The following PIEZO1 variants were observed in gnomAD, a reference collection of about 807,000 sequenced individuals.
PIEZO1 encodes the protein piezo-type mechanosensitive ion channel component 1.
Under a neutral mutation model 297.2 loss-of-function variants are expected in PIEZO1, and 296 were observed. The observed-to-expected ratio is 1.00, with a 90% CI of 0.91 to 1.10. PIEZO1 has a LOEUF of 1.10. Among genes scored for constraint, PIEZO1 ranks in the 50% least tolerant of loss-of-function variants. The probability of loss-of-function intolerance (pLI) is 0.00; values close to 1 mark genes in which losing one functional copy is unlikely to be tolerated. For missense variants in PIEZO1, 5,018 were observed against 3,455.5 expected (o/e 1.45, Z -11.34); for synonymous variants, 2,427 against 1,507.5 (o/e 1.61, Z -14.13).
intron 40 of PIEZO1, 21 bp downstream of exon 40, chr16:88,720,595 C>T (rs775467751): frequency 1.2e-5 from 18 of 1,536,126 alleles, no homozygotes; most frequent in Admixed American, 9.9e-5. Context: ...TCCCCAGCTG[C>T]CCCCGGCCGC....
chr16:88,764,838 C>T (rs984791058), intron 1 of PIEZO1, among the ~76,000 whole-genome samples: 2 of 152,134 alleles, frequency 1.3e-5, no homozygotes, highest in African/African-American at 2.4e-5. Context: ...CCTCCCAAAA[C>T]GAGGACTCCG....
intron 2 of PIEZO1, chr16:88,745,763 A>G (rs1906012750): frequency 6.6e-6 from 1 of 151,438 alleles, no homozygotes; most frequent in African/African-American, 2.4e-5. Flanking sequence ...AAAAAAAAAA[A>G]AAAAGGGGCC....
In PIEZO1 at chr16:88,771,156, C is replaced by A. The variant is rs114443910; in HGVS notation, c.64+13745G>T. On this transcript the variant is annotated intron_variant, in intron 1 of 50. Transcript: ENST00000301015. ...ATCTCACAGGGAGATAAAAATCAAC[C>A]GTGCGAAAGGCCCCACAGAGCGACC... 3.3e-3 allele frequency among the ~76,000 whole-genome samples: 503 copies of A among 152,304 alleles called. 3 individuals carry two copies. Among genetic ancestry groups the A allele is most frequent in the African/African-American group, 0.012 (480 of 41,558 alleles).
rs1211873588 is a variant in PIEZO1, at chr16:88,722,293, T to C, written c.4880A>G (p.Asp1627Gly). 7 of 1,548,348 alleles carry C rather than the reference T, an allele frequency of 4.5e-6. No individual in the cohort carries two copies. In the East Asian group the frequency reaches 1.7e-4, roughly 38 times the overall value. ...TRSGSEEAVT[D>G]PGEREAGASL... ...GGCACCAGCCTCACGCTCCCCGGGG[T>C]CGGTGACTGCCTCCTCACTGCCACT... Residue 1627 changes from aspartate (D) to glycine (G), a missense_variant, in exon 36 of 51, where the codon GAC becomes GGC. Transcript: ENST00000301015.
At chr16:88,730,765 G>A (rs148511692) in intron 22 of PIEZO1, among the ~76,000 whole-genome samples, 150 of 152,338 alleles carry the variant, frequency 9.8e-4, no homozygotes, top group African/African-American at 3.3e-3. Context: ...GTGTGTGGCC[G>A]GAGGGGCCAG....
intron 35 of PIEZO1, 91 bp downstream of exon 35, chr16:88,722,492 G>T: frequency 1.4e-6 from 2 of 1,432,716 alleles, no homozygotes; most frequent in Non-Finnish European, 1.9e-6. Flanking sequence ...CGGTCCTTTG[G>T]GGTACAAGGG....
intron 1 of PIEZO1, among the ~76,000 whole-genome samples, chr16:88,759,820 G>A (rs964182986): frequency 3.3e-5 from 5 of 152,296 alleles, no homozygotes; most frequent in Admixed American, 1.3e-4. Context: ...AGGTTCACAC[G>A]GGCTGCATGG....
At chr16:88,735,959 GTTTA>G (rs1905183925) in intron 12 of PIEZO1, among the ~76,000 whole-genome samples, 185 bp downstream of exon 12, 1 of 152,246 alleles carries the variant, frequency 6.6e-6, no homozygotes, top group South Asian at 2.1e-4. Flanking sequence ...AAGGTTGTCT[GTTTA>G]TTCAGTCAAC....
chr16:88,780,067 C>T (rs980568168), intron 1 of PIEZO1, among the ~76,000 whole-genome samples: 2 of 152,118 alleles, frequency 1.3e-5, no homozygotes, highest in African/African-American at 4.8e-5. Context: ...ACGTTCAGAG[C>T]AAGATAGGGT....
chr16:88,747,573 G>A (rs988399490), intron 2 of PIEZO1, among the ~76,000 whole-genome samples: 1 of 152,212 alleles, frequency 6.6e-6, no homozygotes, highest in African/African-American at 2.4e-5. Flanking sequence ...GCTAGGAGGA[G>A]CCTCTGGGAT....
chr16:88,720,296 G>C lies in PIEZO1; in HGVS notation c.5950-13C>G. ...CCGCCGAGTGCTTCTGTGGCCAGGA[G>C]AGCACAGGTCAGGGGGAGCCAAGCC... On this transcript the variant is annotated splice_polypyrimidine_tract_variant and intron_variant, in intron 41 of 50. Coordinates refer to ENST00000301015, the MANE Select transcript of PIEZO1 (RefSeq NM_001142864.4). The C allele has an allele frequency of 6.5e-7, 1 of 1,550,264 alleles. No homozygotes were observed. The highest frequency in any genetic ancestry group is 8.7e-7 in the Non-Finnish European group (1 of 1,146,904).
At position 88,726,581 on chromosome 16, in the gene PIEZO1, G is replaced by A. The variant is rs1442201762; in HGVS notation, c.3762C>T (p.Phe1254=). Residue 1254 remains phenylalanine (F), a synonymous_variant, in exon 26 of 51, where the codon TTC becomes TTT. Coordinates refer to ENST00000301015, the MANE Select transcript of PIEZO1 (RefSeq NM_001142864.4). The part of the protein sequence containing the change: ...QTGFCWVIQL[F]SLVCTVKGYY... ...AGCCCTTGACGGTGCATACAAGGCT[G>A]AAGAGCTGGATGACCCAGCAGAAGC... 1.3e-6 allele frequency: 2 copies of A among 1,549,782 alleles called. No individual in the cohort carries two copies. The highest frequency in any genetic ancestry group is 1.4e-5 in the African/African-American group (1 of 73,010).
At position 88,736,244 on chromosome 16, in the gene PIEZO1, G is replaced by T; in HGVS notation, c.1461C>A (p.Asp487Glu). 6.5e-7 allele frequency: 1 copy of T among 1,550,114 alleles called. No individual in the cohort carries two copies. The highest frequency in any genetic ancestry group is 8.7e-7 in the Non-Finnish European group (1 of 1,146,814). Reference sequence around the variant, plus strand: ...GGGTGGTGGGCAGCTCAGGGCGCAGGTCCATGGCCCACACGTAGCGTAGGC... The same window carrying T: ...GGGTGGTGGGCAGCTCAGGGCGCAGTTCCATGGCCCACACGTAGCGTAGGC... Reference protein sequence around the residue: ...LCCLRYVWAMDLRPELPTTLG... With the variant: ...LCCLRYVWAMELRPELPTTLG... Residue 487 changes from aspartate to glutamate, a missense_variant, in exon 12 of 51, where the codon GAC (aspartate) becomes GAA (glutamate). Transcript: ENST00000301015.
chr16:88,762,886 G>A (rs1343819525), intron 1 of PIEZO1, among the ~76,000 whole-genome samples: 2 of 152,168 alleles, frequency 1.3e-5, no homozygotes, highest in Non-Finnish European at 2.9e-5. Flanking sequence ...AGGTCCCACA[G>A]GCTCTTTCCT....
At chr16:88,757,084 C>G (rs1470822198) in intron 1 of PIEZO1, among the ~76,000 whole-genome samples, 1 of 152,026 alleles carries the variant, frequency 6.6e-6, no homozygotes, top group Non-Finnish European at 1.5e-5. Flanking sequence ...TCAAAACAAA[C>G]AAAAAATGGG....
intron 1 of PIEZO1, among the ~76,000 whole-genome samples, chr16:88,754,373 C>A (rs1418458139): frequency 6.6e-6 from 1 of 152,216 alleles, no homozygotes; most frequent in South Asian, 2.1e-4. Context: ...ACAAAGAGGG[C>A]TGGACACCAC....
rs1259532672 is a variant in PIEZO1, at chr16:88,761,176, T to C, written c.65-11697A>G. On this transcript the variant is annotated intron_variant, in intron 1 of 50. Coordinates refer to ENST00000301015, the MANE Select transcript of PIEZO1 (RefSeq NM_001142864.4). The stretch of plus-strand genomic sequence containing the variant: ...GCCACGTGGGTGGGACTGGGGGAAC[T>C]GTCTCTGCCCAGGGAGCGGGGCAAA... Among the ~76,000 whole-genome samples, 4 of 152,122 alleles carry C rather than the reference T, an allele frequency of 2.6e-5. No homozygotes were observed. The South Asian group carries it at 8.3e-4, about 31-fold the overall frequency.
At chr16:88,780,780 G>C (rs1365004823) in intron 1 of PIEZO1, among the ~76,000 whole-genome samples, 2 of 152,196 alleles carry the variant, frequency 1.3e-5, no homozygotes, top group Non-Finnish European at 2.9e-5. Flanking sequence ...GGCCAAAGTG[G>C]TGAAACCCCG....
At chr16:88,729,715 C>T (rs1904673963) in intron 22 of PIEZO1, among the ~76,000 whole-genome samples, 1 of 140,076 alleles carries the variant, frequency 7.1e-6, no homozygotes, top group Non-Finnish European at 1.5e-5. Flanking sequence ...CCCACAGCCC[C>T]ATCTGCCACA....
Sources: gnomAD v4.1 joint callset for allele counts (sites outside exome capture counted in the v4.1 genomes callset) on GRCh38, gnomAD v4.1.1 for gene constraint, MANE v1.5 for transcripts, NCBI Gene and HGNC (gene_info 2026-07-23, HGNC 2026-07-21) for gene names.